Variants in THUMPD2 observed in about 807,000 individuals in gnomAD.
THUMPD2 encodes the protein THUMP domain 2 tRNA and snRNA guanosine methyltransferase.
THUMPD2 carries 56 observed loss-of-function variants against 49.4 expected under a neutral mutation model. The observed-to-expected ratio is 1.13, with a 90% CI of 0.91 to 1.41. The LOEUF (loss-of-function observed/expected upper bound fraction) is 1.41. Ranked by LOEUF, THUMPD2 falls within the 40% of genes most tolerant of loss-of-function variation. The pLI is 0.00. For missense variants in THUMPD2, 709 were observed against 594.5 expected, an observed-to-expected ratio of 1.19 and a Z score of -2.00; for synonymous variants, 237 against 205.2, an observed-to-expected ratio of 1.15 and a Z score of -1.32.
Position 39,779,231 on chromosome 2 carries a change from C to A in THUMPD2, c.9G>T (p.Glu3Asp). 1 of 1,495,070 alleles carries A rather than the reference C, an allele frequency of 6.7e-7. No homozygotes were observed. Among genetic ancestry groups the A allele is most frequent in the Non-Finnish European group, 8.9e-7 (1 of 1,129,002 alleles). 92.6% of individuals were successfully genotyped at this position (1,495,070 alleles called of 1,614,324 possible). MS[E>D]ARGEPGSGPE... is the part of the protein sequence containing the mutation. ...GCCCGGACCCTGGCTCTCCACGCGC[C>A]TCCGACATGGCGGCTCAGGCGCGCC... Residue 3 changes from glutamate (E) to aspartate (D), a missense_variant, in exon 1 of 10, where the codon GAG becomes GAT. Glu to Asp is a conservative substitution (Grantham distance 45). Transcript: ENST00000505747.
chr2:39,758,295 A>G (rs1676392056), intron 6 of THUMPD2, among the ~76,000 whole-genome samples: 1 of 152,212 alleles, frequency 6.6e-6, no homozygotes, highest in Non-Finnish European at 1.5e-5. Flanking sequence ...ATCAAACAAA[A>G]AAAGAGAAAA....
At chr2:39,761,144 A>C (rs1444171739) in intron 6 of THUMPD2, among the ~76,000 whole-genome samples, 187 bp downstream of exon 6, 1 of 152,208 alleles carries the variant, frequency 6.6e-6, no homozygotes, top group Non-Finnish European at 1.5e-5. Context: ...ATACTCTCAG[A>C]AGTTCAATAA....
At chr2:39,758,483 T>C (rs1174238315) in intron 6 of THUMPD2, among the ~76,000 whole-genome samples, 2 of 152,086 alleles carry the variant, frequency 1.3e-5, no homozygotes, top group South Asian at 4.1e-4. Flanking sequence ...CTCCCTGCTG[T>C]GGGTTGGGTA....
At chr2:39,752,959 T>G (rs1675611991) in intron 8 of THUMPD2, among the ~76,000 whole-genome samples, 1 of 152,270 alleles carries the variant, frequency 6.6e-6, no homozygotes, top group South Asian at 2.1e-4. Flanking sequence ...ATGCACTGGA[T>G]CCCATCCTTT....
At chr2:39,739,731 G>A (rs968282749) in intron 9 of THUMPD2, among the ~76,000 whole-genome samples, 5 of 152,220 alleles carry the variant, frequency 3.3e-5, no homozygotes, top group Non-Finnish European at 7.3e-5. Context: ...AGATAAAAAT[G>A]AGAAGTGGGC....
intron 2 of THUMPD2, 92 bp from the exon 3 acceptor site, chr2:39,770,211 T>C (rs1030989221): frequency 1.7e-5 from 15 of 868,670 alleles, no homozygotes; most frequent in Middle Eastern, 3.8e-4. Context: ...CTTTATTTCC[T>C]TGAATTAAGT....
chr2:39,758,035 T>C (rs1017062272), intron 6 of THUMPD2, among the ~76,000 whole-genome samples: 1 of 152,202 alleles, frequency 6.6e-6, no homozygotes, highest in Non-Finnish European at 1.5e-5. Flanking sequence ...TTTCTTACTT[T>C]TTGTAGTCCC....
chr2:39,739,704 G>A (rs1673649762), intron 9 of THUMPD2, among the ~76,000 whole-genome samples: 1 of 152,164 alleles, frequency 6.6e-6, no homozygotes, highest in South Asian at 2.1e-4. Context: ...GAAAGAACCG[G>A]CAGATGAGTA....
At chr2:39,776,962 A>T (rs2148364277) in intron 1 of THUMPD2, among the ~76,000 whole-genome samples, 2 of 152,356 alleles carry the variant, frequency 1.3e-5, no homozygotes, top group South Asian at 4.1e-4. Context: ...AAACACATTA[A>T]AATGAAGTGA....
At chr2:39,756,800 G>A (rs1053953936) in intron 6 of THUMPD2, among the ~76,000 whole-genome samples, 2 of 152,118 alleles carry the variant, frequency 1.3e-5, no homozygotes, top group African/African-American at 4.8e-5. Flanking sequence ...ACTAGAAGTT[G>A]ACATGCTAAG....
intron 3 of THUMPD2, 73 bp from the exon 4 acceptor site, chr2:39,768,574 C>A: frequency 8.4e-7 from 1 of 1,194,840 alleles, no homozygotes; most frequent in Non-Finnish European, 1.2e-6. Flanking sequence ...GCAAAACTAA[C>A]AGAGTAGCCT....
At chr2:39,746,077 C>G (rs1674547594) in intron 8 of THUMPD2, among the ~76,000 whole-genome samples, 1 of 152,188 alleles carries the variant, frequency 6.6e-6, no homozygotes, top group Non-Finnish European at 1.5e-5. Context: ...CGGCCTGGCA[C>G]AAAGTGAGCA....
At chr2:39,773,092 A>C (rs1036330400) in intron 1 of THUMPD2, among the ~76,000 whole-genome samples, 2 of 152,214 alleles carry the variant, frequency 1.3e-5, no homozygotes, top group Non-Finnish European at 2.9e-5. Flanking sequence ...TAGTGAAGTA[A>C]CCAAAACCAG....
intron 8 of THUMPD2, 116 bp from the exon 9 acceptor site, chr2:39,744,594 T>G: frequency 1.6e-6 from 1 of 606,134 alleles, no homozygotes; most frequent in Non-Finnish European, 2.7e-6. Context: ...ACATTTAGGG[T>G]TGCTAATATT....
chr2:39,748,392 C>T (rs1674888128), intron 8 of THUMPD2, among the ~76,000 whole-genome samples: 1 of 152,046 alleles, frequency 6.6e-6, no homozygotes, highest in Admixed American at 6.5e-5. Context: ...GTTTGCAGTT[C>T]ATCTGTTCTG....
At chr2:39,747,887 A>G (rs917326456) in intron 8 of THUMPD2, among the ~76,000 whole-genome samples, 1 of 152,194 alleles carries the variant, frequency 6.6e-6, no homozygotes, top group African/African-American at 2.4e-5. Context: ...ATACAAAATT[A>G]AGGCCTTCAC....
chr2:39,748,644 C>A (rs916098664), intron 8 of THUMPD2, among the ~76,000 whole-genome samples: 1 of 151,730 alleles, frequency 6.6e-6, no homozygotes, highest in African/African-American at 2.4e-5. Flanking sequence ...GCCGAAATTG[C>A]GCCACTGCAC....
chr2:39,765,520 T>A (rs764458164), intron 5 of THUMPD2, among the ~76,000 whole-genome samples: 3 of 151,756 alleles, frequency 2.0e-5, no homozygotes, highest in Admixed American at 6.6e-5. Flanking sequence ...AAAAAAAAAA[T>A]TAACTACTTT....
At chr2:39,747,687 C>T (rs1041686092) in intron 8 of THUMPD2, among the ~76,000 whole-genome samples, 3 of 151,860 alleles carry the variant, frequency 2.0e-5, no homozygotes, top group Admixed American at 6.6e-5. Context: ...AATAATTTGC[C>T]TACAGTGCTA....
Sources: gnomAD v4.1 joint callset for allele counts (sites outside exome capture counted in the v4.1 genomes callset) on GRCh38, gnomAD v4.1.1 for gene constraint, MANE v1.5 for transcripts, NCBI Gene and HGNC (gene_info 2026-07-23, HGNC 2026-07-21) for gene names.